The following CSMD1 variants were observed in gnomAD, a reference collection of about 807,000 sequenced individuals.
CSMD1 encodes the protein CUB and sushi domain-containing protein 1.
Under a neutral mutation model 417.5 loss-of-function variants are expected in CSMD1, and 213 were observed. The ratio of observed to expected loss-of-function variants is 0.51; its 90% CI spans 0.46 to 0.57. The LOEUF (loss-of-function observed/expected upper bound fraction) is 0.57. CSMD1 is among the 20% of genes least tolerant of loss of function. The probability of loss-of-function intolerance (pLI) is 0.00; values close to 1 mark genes in which losing one functional copy is unlikely to be tolerated. For synonymous variants in CSMD1, 2,862 were observed against 1,736.8 expected, an observed-to-expected ratio of 1.65 and a Z score of -16.11; for missense variants, 6,923 against 4,529.7, an observed-to-expected ratio of 1.53 and a Z score of -15.17.
At chr8:3,908,114 G>T (rs951707116) in intron 5 of CSMD1, among the ~76,000 whole-genome samples, 3 of 152,132 alleles carry the variant, frequency 2.0e-5, no homozygotes, top group Admixed American at 2.0e-4. Context: ...GCTTTATGGA[G>T]CCCCTCTGAG....
At chr8:3,635,756 T>A (rs190248162) in intron 7 of CSMD1, among the ~76,000 whole-genome samples, 1 of 125,750 alleles carries the variant, frequency 8.0e-6, no homozygotes, top group Non-Finnish European at 1.5e-5. Context: ...GTGCTGGGAT[T>A]ACAGGTATGA....
intron 12 of CSMD1, among the ~76,000 whole-genome samples, chr8:3,452,113 T>C (rs1194452536): frequency 6.6e-6 from 1 of 152,234 alleles, no homozygotes; most frequent in Non-Finnish European, 1.5e-5. Context: ...TTTGGCTCTC[T>C]GTTTGTCTGT....
At chr8:3,934,209 C>T (rs1187476350) in intron 5 of CSMD1, among the ~76,000 whole-genome samples, 5 of 152,186 alleles carry the variant, frequency 3.3e-5, no homozygotes, top group African/African-American at 4.8e-5. Context: ...TTTCATTACA[C>T]TCCTACCTAA....
intron 5 of CSMD1, among the ~76,000 whole-genome samples, chr8:3,839,159 G>C (rs929159510): frequency 5.6e-4 from 69 of 124,304 alleles, no homozygotes; most frequent in African/African-American, 1.6e-3. Context: ...TATATCTATA[G>C]TCCCTCTCTC....
intron 6 of CSMD1, among the ~76,000 whole-genome samples, chr8:3,731,045 T>C (rs1796222523): frequency 6.6e-6 from 1 of 152,206 alleles, no homozygotes; most frequent in African/African-American, 2.4e-5. Flanking sequence ...GCTGTAATAA[T>C]TATCACAGCT....
intron 3 of CSMD1, among the ~76,000 whole-genome samples, chr8:4,312,203 A>G (rs1381128144): frequency 2.6e-5 from 4 of 151,856 alleles, no homozygotes; most frequent in Non-Finnish European, 4.4e-5. Flanking sequence ...CACACTATCT[A>G]TATGCATGTG....
At chr8:3,216,093 A>G (rs1366160909) in intron 29 of CSMD1, among the ~76,000 whole-genome samples, 1 of 150,406 alleles carries the variant, frequency 6.6e-6, no homozygotes, top group Non-Finnish European at 1.5e-5. Context: ...AGAATTTGAG[A>G]TTAAATGATA....
In CSMD1 at chr8:2,962,476, G is replaced by A. The variant is rs1307189182; in HGVS notation, c.9618C>T (p.Pro3206=). The change falls in exon 61 of 70, where the codon CCC becomes CCT. Residue 3206 remains proline, a synonymous_variant. Coordinates refer to ENST00000635120, the MANE Select transcript of CSMD1 (RefSeq NM_033225.6). ...QADGTWSGIQ[P]TCIDPAHNTC... is the part of the protein sequence containing the mutation. ...TATGATAATTATTACCAATGCAGGTGGGTTGTATGCCGCTCCACGTGCCGT... is the reference window on the plus strand; with the variant it reads ...TATGATAATTATTACCAATGCAGGTAGGTTGTATGCCGCTCCACGTGCCGT... 16 of 1,613,156 alleles carry A rather than the reference G, an allele frequency of 9.9e-6. No individual in the cohort carries two copies. The Admixed American group carries it at 2.5e-4, about 25-fold the overall frequency.
In CSMD1 at chr8:3,189,735, G is replaced by T. The variant is rs192635983; in HGVS notation, c.5398+177C>A. Among the ~76,000 whole-genome samples the T allele has an allele frequency of 1.6e-4, 21 of 131,246 alleles. No homozygotes were observed. The East Asian group carries it at 4.1e-3, about 25-fold the overall frequency. The allele number at this position is 131,246 out of a possible 152,430, so 86.1% of individuals were successfully genotyped here. ...TTGTTAAGATGATGAGTTGTTTTAT[G>T]AAACACAATAATTTTTAGGGTTTGG... is the stretch of plus-strand genomic sequence containing the variant. On this transcript the variant is annotated intron_variant, in intron 34 of 69. Transcript: ENST00000635120.
chr8:4,808,857 C>G lies in CSMD1; in HGVS notation c.86-171299G>C, dbSNP rs557155296. ...TGATTTAAAAGTTATCTCTCCATGT[C>G]TCTCCAACAAGTCTGGATCCAATAT... On this transcript the variant is annotated intron_variant, in intron 1 of 69. Coordinates refer to ENST00000635120, the MANE Select transcript of CSMD1 (RefSeq NM_033225.6). Among the ~76,000 whole-genome samples the G allele has an allele frequency of 3.3e-5, 5 of 152,314 alleles. No individual in the cohort carries two copies. The East Asian group carries it at 7.7e-4, about 23-fold the overall frequency.
intron 41 of CSMD1, chr8:3,128,475 G>A (rs1222887550): frequency 4.7e-6 from 1 of 211,908 alleles, no homozygotes; most frequent in Non-Finnish European, 9.6e-6. Flanking sequence ...AGACATCATT[G>A]AAAATGACAA....
intron 1 of CSMD1, among the ~76,000 whole-genome samples, chr8:4,836,736 C>T (rs1291878005): frequency 6.6e-6 from 1 of 151,924 alleles, no homozygotes; most frequent in African/African-American, 2.4e-5. Context: ...AGGTCTAAAC[C>T]CCCAGATATC....
intron 4 of CSMD1, among the ~76,000 whole-genome samples, chr8:3,998,689 A>AAAAGTGATAAG (rs1214486492): frequency 5.5e-4 from 84 of 152,260 alleles, no homozygotes; most frequent in African/African-American, 2.0e-3. Context: ...AATATCTTAG[A>AAAAGTGATAAG]AAAGTGATAA....
rs555102370 is a variant in CSMD1, at chr8:2,984,174, G to A, written c.8378-5374C>T. ...CACTGAGAGACCATCCGTTTATGTC[G>A]CTGCCTCAAATCGGATTCACAGGAA... is the stretch of plus-strand genomic sequence containing the variant. On this transcript the variant is annotated intron_variant, in intron 54 of 69. Coordinates refer to ENST00000635120, the MANE Select transcript of CSMD1 (RefSeq NM_033225.6). Among the ~76,000 whole-genome samples the A allele has an allele frequency of 4.6e-5, 7 of 152,076 alleles. No individual in the cohort carries two copies. In the South Asian group the frequency reaches 6.3e-4, roughly 14 times the overall value.
intron 1 of CSMD1, among the ~76,000 whole-genome samples, chr8:4,974,993 G>A (rs1461264914): frequency 1.3e-5 from 2 of 152,182 alleles, no homozygotes; most frequent in Admixed American, 6.5e-5. Context: ...TAGTCTGTGA[G>A]AAAATGGATG....
chr8:3,916,048 A>G (rs1007088259), intron 5 of CSMD1, among the ~76,000 whole-genome samples: 3 of 151,872 alleles, frequency 2.0e-5, no homozygotes, highest in African/African-American at 7.3e-5. Flanking sequence ...AATGGGTAAC[A>G]TAATACTTTG....
rs980894235 is a variant in CSMD1 at position 4,259,393 on chromosome 8, C to G, written c.415+160560G>C. ...AGAAAGGAGAGGACAGGAGGAGCTC[C>G]CAAACTAGCTTCATTCATTTCATAA... On this transcript the variant is annotated intron_variant, in intron 3 of 69. Coordinates refer to ENST00000635120, the MANE Select transcript of CSMD1 (RefSeq NM_033225.6). Among the ~76,000 whole-genome samples, 5 of 152,050 alleles carry G rather than the reference C, an allele frequency of 3.3e-5. No individual in the cohort carries two copies. The East Asian group carries it at 9.6e-4, about 29-fold the overall frequency.
At chr8:3,658,655 T>A (rs1798252360) in intron 7 of CSMD1, among the ~76,000 whole-genome samples, 1 of 151,818 alleles carries the variant, frequency 6.6e-6, no homozygotes, top group Non-Finnish European at 1.5e-5. Context: ...TGGTGGTGCG[T>A]GCCTGTAATC....
chr8:3,958,052 G>A (rs983291964), intron 5 of CSMD1, among the ~76,000 whole-genome samples: 34 of 152,184 alleles, frequency 2.2e-4, no homozygotes, highest in African/African-American at 8.0e-4. Context: ...AGTTGTGCCT[G>A]TATACTGTTC....
Sources: gnomAD v4.1 joint callset for allele counts (sites outside exome capture counted in the v4.1 genomes callset) on GRCh38, gnomAD v4.1.1 for gene constraint, MANE v1.5 for transcripts, NCBI Gene and HGNC (gene_info 2026-07-23, HGNC 2026-07-21) for gene names.